The following RPL38 variants were observed in gnomAD, a reference collection of about 807,000 sequenced individuals.
RPL38 encodes large ribosomal subunit protein eL38.
Under a neutral mutation model 12.8 loss-of-function variants are expected in RPL38, and 2 were observed. That is an observed-to-expected ratio of 0.16 (90% CI 0.06 to 0.49). The LOEUF (loss-of-function observed/expected upper bound fraction) is 0.49. RPL38 is among the 20% of genes least tolerant of loss of function. RPL38 has a pLI of 0.96. For missense variants in RPL38, 52 were observed against 79.8 expected, an observed-to-expected ratio of 0.65 and a Z score of 1.33; for synonymous variants, 42 against 30.1, an observed-to-expected ratio of 1.39 and a Z score of -1.29.
chr17:74,206,706 TTC>T (rs1256242248), intron 3 of RPL38, among the ~76,000 whole-genome samples: 3 of 130,912 alleles, frequency 2.3e-5, no homozygotes, highest in African/African-American at 3.5e-5. Flanking sequence ...TGTTTTTTCT[TTC>T]TTTTTTTTTT....
intron 3 of RPL38, chr17:74,205,302 A>G (rs1322771054): frequency 6.6e-6 from 1 of 152,218 alleles, no homozygotes; most frequent in Admixed American, 6.5e-5. Context: ...TAACCCAGTC[A>G]TCTTTTTTCA....
intron 3 of RPL38, chr17:74,205,053 G>A (rs144362869): frequency 6.6e-6 from 1 of 152,344 alleles, no homozygotes; most frequent in Non-Finnish European, 1.5e-5. Flanking sequence ...AAGTCACAGA[G>A]TTTAAGTTGG....
intron 3 of RPL38, chr17:74,205,089 T>C (rs2050100308): frequency 6.6e-6 from 1 of 152,258 alleles, no homozygotes; most frequent in Non-Finnish European, 1.5e-5. Flanking sequence ...TTTCCCAGCT[T>C]GTACATACAG....
intron 4 of RPL38, 198 bp downstream of exon 4, chr17:74,209,507 C>G (rs752193974): frequency 2.9e-6 from 2 of 697,814 alleles, no homozygotes; most frequent in Non-Finnish European, 4.7e-6. Context: ...ATTTCCTTAG[C>G]CAGAAGAGCG....
intron 3 of RPL38, among the ~76,000 whole-genome samples, chr17:74,206,708 C>CTTTCT (rs2050117386): frequency 9.8e-6 from 1 of 101,590 alleles, no homozygotes; most frequent in African/African-American, 3.9e-5. Context: ...TTTTTTCTTT[C>CTTTCT]TTTTTTTTTT....
chr17:74,204,289 G>C, intron 3 of RPL38, 99 bp downstream of exon 3: 2 of 1,036,112 alleles, frequency 1.9e-6, no homozygotes, highest in Admixed American at 3.8e-5. Context: ...CGGTTAGGCC[G>C]TCTGGGTGTG....
chr17:74,204,526 C>T (rs966354211), intron 3 of RPL38: 2 of 347,920 alleles, frequency 5.7e-6, no homozygotes, highest in Non-Finnish European at 1.1e-5. Flanking sequence ...TGTTTAGGTT[C>T]TCTGCAGTTG....
At position 74,209,949 on chromosome 17, in the gene RPL38, A is replaced by C. The variant is rs2143695631; in HGVS notation, c.*120A>C. 45 of 625,004 alleles carry C rather than the reference A, an allele frequency of 7.2e-5. No individual in the cohort carries two copies. Among genetic ancestry groups the C allele is most frequent in the East Asian group, 1.0e-4 (3 of 28,756 alleles). The allele number at this position is 625,004 out of a possible 1,614,324, so 38.7% of individuals were successfully genotyped here. ...CGTAGTGGCTTCTGATGGGAACAGG[A>C]CGCGGGTTCTGTTGCTGCCTTCCTG... On this transcript the variant is annotated 3_prime_UTR_variant, in exon 5 of 5. Coordinates refer to ENST00000311111, the MANE Select transcript of RPL38 (RefSeq NM_000999.4).
intron 2 of RPL38, 85 bp from the exon 3 acceptor site, chr17:74,204,045 G>A: frequency 6.2e-7 from 1 of 1,612,006 alleles, no homozygotes; most frequent in Non-Finnish European, 8.5e-7. Context: ...AGGATCTCCT[G>A]AGGCCGGGAG....
In RPL38 at chr17:74,209,792, C is replaced by G. The variant is rs774660058; in HGVS notation, c.188-12C>G. 1.2e-6 allele frequency: 2 copies of G among 1,612,464 alleles called. No individual in the cohort carries two copies. The highest frequency in any genetic ancestry group is 8.5e-7 in the Non-Finnish European group (1 of 1,178,564). On this transcript the variant is annotated splice_polypyrimidine_tract_variant and intron_variant, in intron 4 of 4. Coordinates refer to ENST00000311111, the MANE Select transcript of RPL38 (RefSeq NM_000999.4). ...TCTTCTGGATGGCTTACTTTTGTCT[C>G]TTTCCCTCTAGGTTTGGCAGTGAAG...
intron 2 of RPL38, 65 bp from the exon 3 acceptor site, chr17:74,204,063 TGG>T (rs1567802847): frequency 6.2e-7 from 1 of 1,610,918 alleles, no homozygotes; most frequent in Non-Finnish European, 8.5e-7. Context: ...GAGAAGCTGG[TGG>T]ACTGGGCCAT....
intron 3 of RPL38, among the ~76,000 whole-genome samples, chr17:74,208,115 G>A (rs1332094760): frequency 6.6e-6 from 1 of 152,162 alleles, no homozygotes; most frequent in South Asian, 2.1e-4. Flanking sequence ...AGGTGCTTTC[G>A]TTGAAGTGTT....
In RPL38 at chr17:74,209,176, G is replaced by T; in HGVS notation, c.65-11G>T. On this transcript the variant is annotated splice_polypyrimidine_tract_variant and intron_variant, in intron 3 of 4. Transcript: ENST00000311111. The stretch of plus-strand genomic sequence containing the variant: ...TGATACAATTTAATTCCTGATTCTG[G>T]TCTCCGGTAGCTGTCAAGATCAAGA... The T allele has an allele frequency of 1.2e-6, 2 of 1,612,910 alleles. No homozygotes were observed. Among genetic ancestry groups the T allele is most frequent in the Non-Finnish European group, 1.7e-6 (2 of 1,179,716 alleles).
At position 74,210,655 on chromosome 17, in the gene RPL38, A is replaced by T. The variant is rs746981565; in HGVS notation, c.*826A>T. The T allele has an allele frequency of 5.3e-5, 8 of 152,208 alleles. No homozygotes were observed. The highest frequency in any genetic ancestry group is 1.9e-4 in the African/African-American group (8 of 41,528). 9.4% of individuals were successfully genotyped at this position (152,208 alleles called of 1,614,324 possible). A position where few individuals can be genotyped will look rare whatever the true frequency, so the allele number is the denominator to read the frequency against. On this transcript the variant is annotated 3_prime_UTR_variant, in exon 5 of 5. Transcript: ENST00000311111. Reference sequence around the variant, plus strand: ...ATCATAAAATCTGTCTTCATACCCGAGGTAGTGTTTTTTGTTTTTTTAAGA... The same window carrying T: ...ATCATAAAATCTGTCTTCATACCCGTGGTAGTGTTTTTTGTTTTTTTAAGA...
At chr17:74,207,103 C>T (rs531944838) in intron 3 of RPL38, among the ~76,000 whole-genome samples, 20 of 152,196 alleles carry the variant, frequency 1.3e-4, no homozygotes, top group Admixed American at 3.9e-4. Flanking sequence ...CCTTGATCTC[C>T]TGGGCGCAAG....
chr17:74,203,683 TC>T lies in RPL38; in HGVS notation c.-100del, dbSNP rs1598203738. Reference sequence around the variant, plus strand: ...CCGGAAACGGAAGTCTCGTTCTTTTTCGTCCTTTTCCCCGGTTGCTGCTTGC... The same window carrying T: ...CCGGAAACGGAAGTCTCGTTCTTTTTGTCCTTTTCCCCGGTTGCTGCTTGC... On this transcript the variant is annotated 5_prime_UTR_variant, in exon 1 of 5. Transcript: ENST00000311111. The T allele has an allele frequency of 2.2e-5, 11 of 509,272 alleles. No individual in the cohort carries two copies. The East Asian group carries it at 3.4e-4, about 16-fold the overall frequency. The allele number at this position is 509,272 out of a possible 1,614,324, so 31.5% of individuals were successfully genotyped here. A position where few individuals can be genotyped will look rare whatever the true frequency, so the allele number is the denominator to read the frequency against.
At position 74,209,977 on chromosome 17, in the gene RPL38, T is replaced by C. The variant is rs1029875896; in HGVS notation, c.*148T>C. On this transcript the variant is annotated 3_prime_UTR_variant, in exon 5 of 5. Transcript: ENST00000311111. ...CGGGTTCTGTTGCTGCCTTCCTGTGTCTTTTTTTTTTTTTTTTTTTCTTTC... is the reference window on the plus strand; with the variant it reads ...CGGGTTCTGTTGCTGCCTTCCTGTGCCTTTTTTTTTTTTTTTTTTTCTTTC... The C allele has an allele frequency of 8.0e-6, 4 of 500,398 alleles. No individual in the cohort carries two copies. In the Admixed American group the frequency reaches 1.6e-4, roughly 19 times the overall value. The allele number at this position is 500,398 out of a possible 1,614,324, so 31.0% of individuals were successfully genotyped here. A position where few individuals can be genotyped will look rare whatever the true frequency, so the allele number is the denominator to read the frequency against.
At chr17:74,206,708 C>CTTTTTTT (rs35333460) in intron 3 of RPL38, among the ~76,000 whole-genome samples, 101 of 101,590 alleles carry the variant, frequency 9.9e-4, no homozygotes, top group African/African-American at 2.0e-3. Flanking sequence ...TTTTTTCTTT[C>CTTTTTTT]TTTTTTTTTT....
At chr17:74,204,089 GTC>G in intron 2 of RPL38, 39 bp from the exon 3 acceptor site, 1 of 1,613,214 alleles carries the variant, frequency 6.2e-7, no homozygotes, top group Non-Finnish European at 8.5e-7. Flanking sequence ...CGGGAGACGT[GTC>G]TCTTTCCTCT....
Sources: allele counts gnomAD v4.1 joint callset (sites outside exome capture counted in the v4.1 genomes callset), GRCh38; gene constraint gnomAD v4.1.1; transcripts MANE v1.5; gene names NCBI Gene and HGNC (gene_info 2026-07-23, HGNC 2026-07-21).